Variants in BICDL1 observed in about 807,000 individuals in gnomAD.
The protein encoded by BICDL1 is BICD family-like cargo adapter 1.
A neutral mutation model predicts 76.8 loss-of-function variants in BICDL1; 20 were observed. That is an observed-to-expected ratio of 0.26 (90% CI 0.18 to 0.38). The LOEUF is 0.38. Ranked by LOEUF, BICDL1 falls within the 10% of genes least tolerant of loss-of-function variation. The pLI is 1.00. For synonymous variants in BICDL1, 383 were observed against 337.1 expected, an observed-to-expected ratio of 1.14 and a Z score of -1.49; for missense variants, 700 against 798.6, an observed-to-expected ratio of 0.88 and a Z score of 1.49.
intron 1 of BICDL1, among the ~76,000 whole-genome samples, chr12:119,991,402 G>A (rs1951520394): frequency 6.6e-6 from 1 of 152,130 alleles, no homozygotes; most frequent in Non-Finnish European, 1.5e-5. Flanking sequence ...ATAGTCCAGC[G>A]ACGTAAAAGT....
chr12:120,004,226 C>T (rs1213019955), intron 2 of BICDL1, among the ~76,000 whole-genome samples: 2 of 152,058 alleles, frequency 1.3e-5, no homozygotes, highest in African/African-American at 2.4e-5. Flanking sequence ...TTCCCAGAGC[C>T]CCCTCCATTT....
At position 119,989,937 on chromosome 12, in the gene BICDL1, C is replaced by T. The variant is rs773544048; in HGVS notation, c.69C>T (p.Cys23=). The T allele has an allele frequency of 1.4e-6, 2 of 1,470,244 alleles. No homozygotes were observed. The highest frequency in any genetic ancestry group is 1.8e-6 in the Non-Finnish European group (2 of 1,124,572). 91.1% of individuals were successfully genotyped at this position (1,470,244 alleles called of 1,614,324 possible). The change falls in exon 1 of 10, where the codon TGC becomes TGT. Residue 23 remains cysteine, a synonymous_variant. Transcript: ENST00000548673. The part of the protein sequence containing the change: ...SAPAEPDSAC[C]MELPAAAGDA... ...CCGCCGAGCCGGACAGCGCCTGCTGCATGGAGCTGCCCGCCGCGGCCGGGG... is the reference window on the plus strand; with the variant it reads ...CCGCCGAGCCGGACAGCGCCTGCTGTATGGAGCTGCCCGCCGCGGCCGGGG...
At position 120,047,222 on chromosome 12, in the gene BICDL1, A is replaced by T. The variant is rs1181348537; in HGVS notation, c.646-14488A>T. On this transcript the variant is annotated intron_variant, in intron 2 of 9. Transcript: ENST00000548673. ...GTATGACCAGGAAAGCATTGACTTT[A>T]TCAGGCATTCCCTCACAATTGTTAG... 2.6e-5 allele frequency among the ~76,000 whole-genome samples: 4 copies of T among 152,182 alleles called. No homozygotes were observed. In the South Asian group the frequency reaches 8.3e-4, roughly 32 times the overall value.
chr12:119,995,859 G>A (rs1325550434), intron 1 of BICDL1, among the ~76,000 whole-genome samples: 1 of 151,922 alleles, frequency 6.6e-6, no homozygotes, highest in Admixed American at 6.6e-5. Context: ...GGTGGTGGGC[G>A]CCTGTAGTCC....
intron 1 of BICDL1, among the ~76,000 whole-genome samples, chr12:119,997,110 G>A (rs571626076): frequency 2.6e-5 from 4 of 152,014 alleles, no homozygotes; most frequent in Non-Finnish European, 2.9e-5. Context: ...CACCTCGCCC[G>A]GCTAATTTTA....
At position 120,094,023 on chromosome 12, in the gene BICDL1, C is replaced by G; in HGVS notation, c.*862C>G. 1 of 363,730 alleles carries G rather than the reference C, an allele frequency of 2.7e-6. No homozygotes were observed. The highest frequency in any genetic ancestry group is 5.5e-6 in the Non-Finnish European group (1 of 182,896). The allele number at this position is 363,730 out of a possible 1,614,324, so 22.5% of individuals were successfully genotyped here. On this transcript the variant is annotated 3_prime_UTR_variant, in exon 10 of 10. Coordinates refer to ENST00000548673, the MANE Select transcript of BICDL1 (RefSeq NM_001367886.1). ...CTTGGCCTAGCCAAACAAGTCCAGGCCACTGAATGGCACCAGAGGGGTCTG... is the reference window on the plus strand; with the variant it reads ...CTTGGCCTAGCCAAACAAGTCCAGGGCACTGAATGGCACCAGAGGGGTCTG...
chr12:120,092,790 T>G, intron 9 of BICDL1: 1 of 985,450 alleles, frequency 1.0e-6, no homozygotes, highest in South Asian at 4.7e-5. Flanking sequence ...AGCCCAAGCC[T>G]GAGGAGGCTG....
intron 2 of BICDL1, among the ~76,000 whole-genome samples, chr12:120,013,406 A>G (rs1951994985): frequency 6.6e-6 from 1 of 151,090 alleles, no homozygotes; most frequent in Non-Finnish European, 1.5e-5. Context: ...GGTTTTAGAC[A>G]CCATGAATTG....
chr12:120,024,071 G>A (rs981522576), intron 2 of BICDL1, among the ~76,000 whole-genome samples: 1 of 152,156 alleles, frequency 6.6e-6, no homozygotes, highest in Non-Finnish European at 1.5e-5. Context: ...CCTGAGGTCA[G>A]GTGTTCGAGA....
Position 120,090,005 on chromosome 12 carries a change from G to C in BICDL1, c.1638G>C (p.Leu546=), listed in dbSNP as rs1466985857. 1 of 1,614,184 alleles carries C rather than the reference G, an allele frequency of 6.2e-7. No homozygotes were observed. ...AGTGCAGGATGGATATGATGTCTCT[G>C]AACAGCCAGTTGCTGGATGCCATTC... is the stretch of plus-strand genomic sequence containing the variant. ...LAKCRMDMMS[L]NSQLLDAIQQ... Residue 546 remains leucine, a synonymous_variant, in exon 9 of 10, where the codon CTG becomes CTC. Transcript: ENST00000548673.
intron 8 of BICDL1, 53 bp downstream of exon 8, chr12:120,081,070 T>C: frequency 1.3e-6 from 2 of 1,563,198 alleles, no homozygotes. Flanking sequence ...GTATATAGAA[T>C]TGAGCATATG....
At chr12:120,068,751 G>C (rs1872851933) in intron 4 of BICDL1, among the ~76,000 whole-genome samples, 1 of 152,198 alleles carries the variant, frequency 6.6e-6, no homozygotes, top group African/African-American at 2.4e-5. Context: ...AGGGGGCAGA[G>C]GTTGCAGTGA....
At chr12:120,023,504 A>G (rs1952224772) in intron 2 of BICDL1, among the ~76,000 whole-genome samples, 1 of 152,182 alleles carries the variant, frequency 6.6e-6, no homozygotes, top group South Asian at 2.1e-4. Context: ...ATTCTCAAGT[A>G]TGGGCCCAAC....
chr12:120,037,321 A>G (rs1247627067), intron 2 of BICDL1, among the ~76,000 whole-genome samples: 2 of 152,202 alleles, frequency 1.3e-5, no homozygotes, highest in Non-Finnish European at 2.9e-5. Flanking sequence ...CTGAGGAGAC[A>G]CGTTATTTGG....
At chr12:120,082,479 C>T (rs1451255477) in intron 8 of BICDL1, among the ~76,000 whole-genome samples, 4 of 152,090 alleles carry the variant, frequency 2.6e-5, no homozygotes, top group East Asian at 1.9e-4. Context: ...GTCTTAAACC[C>T]CTGGGCTCAA....
intron 2 of BICDL1, among the ~76,000 whole-genome samples, chr12:120,053,908 C>A (rs985456818): frequency 3.3e-5 from 5 of 152,034 alleles, no homozygotes; most frequent in Middle Eastern, 3.2e-3. Context: ...TGCAGTGGCT[C>A]ACCCCTGTAA....
chr12:120,049,624 T>C (rs1302670101), intron 2 of BICDL1, among the ~76,000 whole-genome samples: 1 of 152,230 alleles, frequency 6.6e-6, no homozygotes, highest in Non-Finnish European at 1.5e-5. Flanking sequence ...GTTTGTGAAT[T>C]GGTGTCTTTC....
chr12:120,032,980 C>T (rs1429310441), intron 2 of BICDL1, among the ~76,000 whole-genome samples: 3 of 151,840 alleles, frequency 2.0e-5, no homozygotes, highest in African/African-American at 4.8e-5. Flanking sequence ...CTCCTGACCT[C>T]GTGATTTGCT....
Position 120,071,702 on chromosome 12 carries a change from G to C in BICDL1, c.990G>C (p.Glu330Asp), listed in dbSNP as rs1175810685. The C allele has an allele frequency of 6.2e-7, 1 of 1,612,708 alleles. No individual in the cohort carries two copies. The highest frequency in any genetic ancestry group is 8.5e-7 in the Non-Finnish European group (1 of 1,179,856). ...AGGTGAAGGTGGAAGAACTCACTGA[G>C]GAGAGGAGTCTGCAGAGCTCTGCCG... ...QLQVKVEELT[E>D]ERSLQSSAAT... The change falls in exon 5 of 10, where the codon GAG becomes GAC. Residue 330 changes from glutamate (E) to aspartate (D), a missense_variant. By Grantham distance (45) the Glu-to-Asp change is conservative (BLOSUM62 2). Around this residue, in one of 3 missense-constraint regions of BICDL1, gnomAD observed 455 missense variants for 548.7 expected, o/e 0.83. Coordinates refer to ENST00000548673, the MANE Select transcript of BICDL1 (RefSeq NM_001367886.1). This position sits in a 1 kb window ranked among gnomAD's most constrained non-coding sequence, Gnocchi z 4.8.
Sources: allele counts gnomAD v4.1 joint callset (sites outside exome capture counted in the v4.1 genomes callset), GRCh38; gene constraint gnomAD v4.1.1; regional missense constraint gnomAD v4.1.1; non-coding constraint Gnocchi (gnomAD v3.1); transcripts MANE v1.5; gene names NCBI Gene and HGNC (gene_info 2026-07-23, HGNC 2026-07-21).